Variants in BTBD7 observed in about 807,000 individuals in gnomAD.
BTBD7 encodes the protein BTB/POZ domain-containing protein 7.
A neutral mutation model predicts 99.9 loss-of-function variants in BTBD7; 38 were observed. The ratio of observed to expected loss-of-function variants is 0.38; its 90% CI spans 0.29 to 0.50. The LOEUF is 0.50. Among genes scored for constraint, BTBD7 ranks in the 20% least tolerant of loss-of-function variants. The pLI, the probability that BTBD7 is intolerant of heterozygous loss-of-function variation, is 0.93. For missense variants in BTBD7, 1,170 were observed against 1,394.6 expected (o/e 0.84, Z 2.57); for synonymous variants, 520 against 511.4 (o/e 1.02, Z -0.23).
At position 93,238,774 on chromosome 14, in the gene BTBD7, CGCGT is replaced by C. The variant is rs2052189016; in HGVS notation, c.*3495_*3498del. On this transcript the variant is annotated 3_prime_UTR_variant, in exon 11 of 11. Transcript: ENST00000334746. ...CGGCTTTGAGCCCCACTGCCGCTGG[CGCGT>C]GTTTCCAATTTGCCTTCTGCATCGG... is the stretch of plus-strand genomic sequence containing the variant. The C allele has an allele frequency of 1.3e-5, 2 of 152,192 alleles. No individual in the cohort carries two copies. The highest frequency in any genetic ancestry group is 2.9e-5 in the Non-Finnish European group (2 of 68,042). The allele number at this position is 152,192 out of a possible 1,614,324, so 9.4% of individuals were successfully genotyped here.
chr14:93,274,477 CTT>C (rs987874551), intron 3 of BTBD7, among the ~76,000 whole-genome samples: 15 of 152,206 alleles, frequency 9.9e-5, no homozygotes, highest in Admixed American at 9.8e-4. Context: ...ATTGGAAACA[CTT>C]TTCCAATGGA....
chr14:93,278,573 G>A (rs2052681931), intron 3 of BTBD7, among the ~76,000 whole-genome samples: 1 of 152,034 alleles, frequency 6.6e-6, no homozygotes, highest in Non-Finnish European at 1.5e-5. Flanking sequence ...GAATCACAAG[G>A]ACCAGGATTC....
chr14:93,254,434 C>T (rs1161990088), intron 6 of BTBD7, among the ~76,000 whole-genome samples: 2 of 152,100 alleles, frequency 1.3e-5, no homozygotes, highest in African/African-American at 4.8e-5. Context: ...ATTCAGTCCC[C>T]ACCCAACTCC....
chr14:93,294,807 A>G lies in BTBD7; in HGVS notation c.213T>C (p.Ile71=). ...SGLATLKKKF[I]KRRKSNRSAD... The stretch of plus-strand genomic sequence containing the variant: ...CAGACCTATTAGATTTCCGACGCTT[A>G]ATAAACTTCTTTTTGAGGGTGGCAA... The change falls in exon 3 of 11, where the codon ATT becomes ATC. Residue 71 remains isoleucine, a synonymous_variant. Coordinates refer to ENST00000334746, the MANE Select transcript of BTBD7 (RefSeq NM_001002860.4). The G allele has an allele frequency of 6.2e-7, 1 of 1,614,016 alleles. No homozygotes were observed. Among genetic ancestry groups the G allele is most frequent in the African/African-American group, 1.3e-5 (1 of 74,996 alleles).
At position 93,256,317 on chromosome 14, in the gene BTBD7, T is replaced by C. The variant is rs192386514; in HGVS notation, c.1608+878A>G. The C allele has an allele frequency of 3.3e-5, 5 of 152,316 alleles. No individual in the cohort carries two copies. The East Asian group carries it at 7.7e-4, about 23-fold the overall frequency. The allele number at this position is 152,316 out of a possible 1,614,324, so 9.4% of individuals were successfully genotyped here. ...TGTTCCTGTGCAGTTAGAAAAAACATATTATGATGTTTATAAGCATTATAT... is the reference window on the plus strand; with the variant it reads ...TGTTCCTGTGCAGTTAGAAAAAACACATTATGATGTTTATAAGCATTATAT... On this transcript the variant is annotated intron_variant, in intron 6 of 10. Coordinates refer to ENST00000334746, the MANE Select transcript of BTBD7 (RefSeq NM_001002860.4).
chr14:93,325,106 A>ATTTTTTTTT (rs34523849), intron 1 of BTBD7, among the ~76,000 whole-genome samples: 1 of 105,574 alleles, frequency 9.5e-6, no homozygotes, highest in African/African-American at 3.8e-5. Context: ...GCATGCTCCA[A>ATTTTTTTTT]TTTTTTTTTT....
Position 93,294,137 on chromosome 14 carries a change from T to G in BTBD7, c.883A>C (p.Arg295=). Residue 295 remains arginine, a synonymous_variant, in exon 3 of 11, where the codon AGG becomes CGG. Coordinates refer to ENST00000334746, the MANE Select transcript of BTBD7 (RefSeq NM_001002860.4). ...GTGATTTCTTCACCAGTTCGTATCC[T>G]CCTTTGTAATAAATTTCGAAAAAAT... ...SPFFRNLLQR[R]IRTGEEITDR... 1.9e-6 allele frequency: 3 copies of G among 1,614,204 alleles called. No individual in the cohort carries two copies. The highest frequency in any genetic ancestry group is 2.5e-6 in the Non-Finnish European group (3 of 1,180,022).
chr14:93,286,137 C>T (rs2052774452), intron 3 of BTBD7, among the ~76,000 whole-genome samples: 1 of 152,220 alleles, frequency 6.6e-6, no homozygotes, highest in African/African-American at 2.4e-5. Context: ...CCCCACTCTG[C>T]TTCCAGAAAA....
intron 2 of BTBD7, among the ~76,000 whole-genome samples, chr14:93,295,259 T>G (rs1841564572): frequency 6.6e-6 from 1 of 152,158 alleles, no homozygotes; most frequent in South Asian, 2.1e-4. Flanking sequence ...TATAGGCATG[T>G]GCCACCATGC....
Position 93,263,994 on chromosome 14 carries a change from C to T in BTBD7, c.1163-1G>A. ...CTCTCAGCAATGATATCCTCACAGC[C>T]TAAAAGAGAAGGCAAATACTTCTTG... On this transcript the variant is annotated splice_acceptor_variant, in intron 3 of 10. Coordinates refer to ENST00000334746, the MANE Select transcript of BTBD7 (RefSeq NM_001002860.4). LOFTEE classifies it high-confidence loss of function. 6.2e-7 allele frequency: 1 copy of T among 1,613,008 alleles called. No individual in the cohort carries two copies. Among genetic ancestry groups the T allele is most frequent in the African/African-American group, 1.3e-5 (1 of 75,000 alleles).
At chr14:93,326,436 T>C (rs1004842488) in intron 1 of BTBD7, among the ~76,000 whole-genome samples, 1 of 152,158 alleles carries the variant, frequency 6.6e-6, no homozygotes, top group African/African-American at 2.4e-5. Flanking sequence ...CACTGCAGCT[T>C]AGGCGACAGA....
chr14:93,309,135 G>A (rs2053107260), intron 1 of BTBD7, among the ~76,000 whole-genome samples: 1 of 152,108 alleles, frequency 6.6e-6, no homozygotes, highest in Admixed American at 6.5e-5. Flanking sequence ...TGGAGTGGGA[G>A]TATCTTACAT....
intron 3 of BTBD7, among the ~76,000 whole-genome samples, chr14:93,293,425 T>C: frequency 6.6e-6 from 1 of 152,216 alleles, no homozygotes; most frequent in Non-Finnish European, 1.5e-5. Context: ...TAAATTCGTA[T>C]CTAAATGTGA....
chr14:93,300,466 C>G (rs1237042745), intron 1 of BTBD7, among the ~76,000 whole-genome samples: 12 of 151,912 alleles, frequency 7.9e-5, no homozygotes, highest in Non-Finnish European at 1.5e-4. Context: ...CTATGTTGGT[C>G]AGGCTGGTCT....
At chr14:93,332,710 A>G (rs1595353057) in intron 1 of BTBD7, 110 bp downstream of exon 1, 1 of 1,289,458 alleles carries the variant, frequency 7.8e-7, no homozygotes, top group Non-Finnish European at 9.8e-7. Context: ...GCTTGGCCCC[A>G]GCCCCGGCGC....
chr14:93,283,295 C>T (rs1338900017), intron 3 of BTBD7, among the ~76,000 whole-genome samples: 4 of 152,138 alleles, frequency 2.6e-5, no homozygotes, highest in Non-Finnish European at 5.9e-5. Context: ...CCAGGCTTGT[C>T]TTGAACTTCT....
At chr14:93,243,331 TTA>T (rs1417717554) in intron 10 of BTBD7, among the ~76,000 whole-genome samples, 1 of 151,990 alleles carries the variant, frequency 6.6e-6, no homozygotes, top group Admixed American at 6.6e-5. Context: ...CTAGCTGGGA[TTA>T]CAGGTGCCCG....
intron 1 of BTBD7, among the ~76,000 whole-genome samples, chr14:93,313,274 C>T (rs111966190): frequency 0.011 from 1,728 of 152,224 alleles, 32 homozygotes; most frequent in African/African-American, 0.039. Context: ...TATCCACCCA[C>T]CACCAAAAAT....
At chr14:93,306,142 T>C (rs904455569) in intron 1 of BTBD7, among the ~76,000 whole-genome samples, 5 of 152,246 alleles carry the variant, frequency 3.3e-5, no homozygotes, top group African/African-American at 4.8e-5. Flanking sequence ...TAGTGAAGAA[T>C]GCTCACCAAA....
Sources: gnomAD v4.1 joint callset for allele counts (sites outside exome capture counted in the v4.1 genomes callset) on GRCh38, gnomAD v4.1.1 for gene constraint, MANE v1.5 for transcripts, NCBI Gene and HGNC (gene_info 2026-07-23, HGNC 2026-07-21) for gene names.